The following XNDC1N variants were observed in gnomAD, a reference collection of about 807,000 sequenced individuals.
The protein encoded by XNDC1N is protein XNDC1N.
chr11:71,923,435 A>G, the XNDC1N span: 3 of 683,468 alleles, frequency 4.4e-6, no homozygotes, highest in South Asian at 4.6e-5. Context: ...GGCACTGACT[A>G]TGTGTTAGCT....
the XNDC1N span, chr11:71,916,480 C>T: frequency 3.8e-6 from 2 of 524,230 alleles, no homozygotes; most frequent in African/African-American, 3.8e-5. Context: ...TCTCATCACT[C>T]CTCTGTCACA....
chr11:71,892,524 T>C, the XNDC1N span, among the ~76,000 whole-genome samples: 1 of 152,192 alleles, frequency 6.6e-6, no homozygotes, highest in East Asian at 1.9e-4. Context: ...ACAAATAATA[T>C]CACAGGGTGT....
chr11:71,919,784 ATT>A, the XNDC1N span, among the ~76,000 whole-genome samples: 1 of 145,064 alleles, frequency 6.9e-6, no homozygotes, highest in Non-Finnish European at 1.5e-5. Flanking sequence ...TGCCCGGCTA[ATT>A]TTTTGTATTT....
At chr11:71,919,062 C>G in the XNDC1N span, 33 of 700,740 alleles carry the variant, frequency 4.7e-5, no homozygotes, top group African/African-American at 5.4e-4. Flanking sequence ...AGGAATCTCA[C>G]TGCGCCCAAG....
At chr11:71,911,753 T>C in the XNDC1N span, among the ~76,000 whole-genome samples, 1 of 152,004 alleles carries the variant, frequency 6.6e-6, no homozygotes, top group African/African-American at 2.4e-5. Flanking sequence ...TTAGAAACAG[T>C]ATGGAAACCC....
chr11:71,909,294 G>A, the XNDC1N span, among the ~76,000 whole-genome samples: 38 of 150,916 alleles, frequency 2.5e-4, 3 homozygotes, highest in African/African-American at 8.9e-4. Flanking sequence ...GCGATATGCC[G>A]ACCTGTTTGT....
chr11:71,925,979 A>G, the XNDC1N span: 2 of 148,484 alleles, frequency 1.3e-5, no homozygotes, highest in African/African-American at 5.0e-5. Flanking sequence ...CTCATCATCA[A>G]TGAACACTTG....
At chr11:71,887,349 G>A in the XNDC1N span, among the ~76,000 whole-genome samples, 27 of 152,230 alleles carry the variant, frequency 1.8e-4, no homozygotes, top group East Asian at 4.6e-3. Flanking sequence ...TGACCTTTTC[G>A]GGAAGGGACT....
chr11:71,895,294 T>C, the XNDC1N span, among the ~76,000 whole-genome samples: 1 of 152,020 alleles, frequency 6.6e-6, no homozygotes, highest in Non-Finnish European at 1.5e-5. Context: ...TTTCTTACCA[T>C]TTCGCATTTT....
the XNDC1N span, chr11:71,925,802 C>A: frequency 6.6e-6 from 1 of 151,768 alleles, no homozygotes; most frequent in Admixed American, 6.6e-5. Context: ...ATGGCGTGAA[C>A]CTGGGAGGCG....
At chr11:71,915,776 A>T in the XNDC1N span, among the ~76,000 whole-genome samples, 1 of 152,192 alleles carries the variant, frequency 6.6e-6, no homozygotes, top group Non-Finnish European at 1.5e-5. Context: ...CTTAGAAATA[A>T]AGTATGAATT....
At chr11:71,923,796 C>G in the XNDC1N span, among the ~76,000 whole-genome samples, 2 of 152,048 alleles carry the variant, frequency 1.3e-5, no homozygotes, top group Non-Finnish European at 2.9e-5. Flanking sequence ...ACCTCATGAT[C>G]CACCCGCCTC....
the XNDC1N span, among the ~76,000 whole-genome samples, chr11:71,886,572 CA>C: frequency 1.3e-5 from 2 of 151,148 alleles, no homozygotes; most frequent in Admixed American, 6.6e-5. Context: ...AAGTCCAACA[CA>C]ATTCTACGAG....
At chr11:71,925,772 C>T in the XNDC1N span, among the ~76,000 whole-genome samples, 84 of 151,288 alleles carry the variant, frequency 5.6e-4, no homozygotes, top group African/African-American at 1.9e-3. Flanking sequence ...CCCAACTACT[C>T]GGGAGGCTGA....
chr11:71,882,382 C>T, the XNDC1N span, among the ~76,000 whole-genome samples: 1 of 152,096 alleles, frequency 6.6e-6, no homozygotes, highest in Non-Finnish European at 1.5e-5. Context: ...CAGCCAGCCA[C>T]CACCACGCCT....
the XNDC1N span, among the ~76,000 whole-genome samples, chr11:71,870,352 G>A: frequency 2.6e-5 from 4 of 152,146 alleles, no homozygotes; most frequent in African/African-American, 9.7e-5. Context: ...CCAAGGCTCA[G>A]CTCATTACTC....
the XNDC1N span, among the ~76,000 whole-genome samples, chr11:71,909,877 T>C: frequency 1.3e-5 from 2 of 152,204 alleles, no homozygotes; most frequent in East Asian, 1.9e-4. Flanking sequence ...GCTGGTAAAG[T>C]GACCCGGAAT....
the XNDC1N span, among the ~76,000 whole-genome samples, chr11:71,891,710 C>T: frequency 6.6e-6 from 1 of 151,446 alleles, no homozygotes; most frequent in Non-Finnish European, 1.5e-5. Context: ...TTTTCCTGGA[C>T]ATTGGGCACA....
chr11:71,916,058 C>A, the XNDC1N span: 4 of 696,056 alleles, frequency 5.7e-6, no homozygotes, highest in Non-Finnish European at 7.9e-6. Flanking sequence ...AATCCTCACT[C>A]CATCATCATA....
Sources: gnomAD v4.1 joint callset for allele counts (sites outside exome capture counted in the v4.1 genomes callset) on GRCh38, gnomAD v4.1.1 for gene constraint, MANE v1.5 for transcripts, NCBI Gene and HGNC (gene_info 2026-07-23, HGNC 2026-07-21) for gene names.